NQO1: variants seen among roughly 807,000 people sequenced by gnomAD.
NQO1 encodes NAD(P)H quinone dehydrogenase 1, also known as NAD(P)H dehydrogenase [quinone] 1.
Under a neutral mutation model 32.1 loss-of-function variants are expected in NQO1, and 30 were observed. The observed-to-expected ratio is 0.94, with a 90% CI of 0.70 to 1.27. The LOEUF (loss-of-function observed/expected upper bound fraction) is 1.27. Ranked by LOEUF, NQO1 falls within the 50% of genes most tolerant of loss-of-function variation. The pLI is 0.00. For synonymous variants in NQO1, 109 were observed against 119.7 expected (o/e 0.91, Z 0.59); for missense variants, 276 against 331.3 (o/e 0.83, Z 1.30).
intron 3 of NQO1, among the ~76,000 whole-genome samples, chr16:69,717,427 AT>A (rs1349735363): frequency 1.3e-5 from 2 of 152,168 alleles, no homozygotes; most frequent in African/African-American, 2.4e-5. Context: ...TGGGATTCTT[AT>A]GGAGAAAGGA....
Position 69,710,301 on chromosome 16 carries a change from C to G in NQO1, c.*675G>C, listed in dbSNP as rs2038021194. On this transcript the variant is annotated 3_prime_UTR_variant, in exon 6 of 6. Transcript: ENST00000320623. ...TGAGCCGAGATCACACCACTGCACT[C>G]CAGCCTGGGTAACAGAGCAAGACTG... is the stretch of plus-strand genomic sequence containing the variant. 6.6e-6 allele frequency: 1 copy of G among 151,900 alleles called. No individual in the cohort carries two copies. Among genetic ancestry groups the G allele is most frequent in the Non-Finnish European group, 1.5e-5 (1 of 68,068 alleles). 9.4% of individuals were successfully genotyped at this position (151,900 alleles called of 1,614,324 possible).
intron 1 of NQO1, among the ~76,000 whole-genome samples, chr16:69,722,514 A>T (rs1027627970): frequency 1.3e-5 from 2 of 152,228 alleles, no homozygotes; most frequent in Non-Finnish European, 2.9e-5. Flanking sequence ...TAAAATAACT[A>T]GAAAGGCACA....
chr16:69,715,180 GCCCCT>G, intron 3 of NQO1, 103 bp from the exon 4 acceptor site: 1 of 801,592 alleles, frequency 1.2e-6, no homozygotes, highest in Non-Finnish European at 2.2e-6. Context: ...TGTGTGGGAA[GCCCCT>G]CTTCACACCT....
chr16:69,709,750 C>T lies in NQO1; in HGVS notation c.*1226G>A. On this transcript the variant is annotated 3_prime_UTR_variant, in exon 6 of 6. Coordinates refer to ENST00000320623, the MANE Select transcript of NQO1 (RefSeq NM_000903.3). ...TAATACCAACAGTGGAATGAGATGA[C>T]TTCCAGAAGTAGAAATTGACTATTA... The T allele has an allele frequency of 5.0e-6, 2 of 398,550 alleles. No individual in the cohort carries two copies. The highest frequency in any genetic ancestry group is 8.8e-6 in the Non-Finnish European group (2 of 226,056). 24.7% of individuals were successfully genotyped at this position (398,550 alleles called of 1,614,324 possible).
intron 1 of NQO1, among the ~76,000 whole-genome samples, chr16:69,723,402 AAC>A (rs2038219368): frequency 6.6e-6 from 1 of 152,216 alleles, no homozygotes; most frequent in Admixed American, 6.6e-5. Context: ...CATGTAAGGC[AAC>A]ACACAAGCAG....
rs1037442288 is a variant in NQO1, at chr16:69,709,538, G to A, written c.*1438C>T. 2.6e-6 allele frequency: 1 copy of A among 382,908 alleles called. No individual in the cohort carries two copies. Among genetic ancestry groups the A allele is most frequent in the African/African-American group, 2.1e-5 (1 of 48,356 alleles). 23.7% of individuals were successfully genotyped at this position (382,908 alleles called of 1,614,324 possible). A position where few individuals can be genotyped will look rare whatever the true frequency, so the allele number is the denominator to read the frequency against. The stretch of plus-strand genomic sequence containing the variant: ...CGTCAGCTATTGTGGATACTGTCGA[G>A]AGCAAAAACCACCAGTGCCAGTCAG... On this transcript the variant is annotated 3_prime_UTR_variant, in exon 6 of 6. Transcript: ENST00000320623.
At chr16:69,721,942 G>C (rs1329464902) in intron 1 of NQO1, among the ~76,000 whole-genome samples, 1 of 151,934 alleles carries the variant, frequency 6.6e-6, no homozygotes, top group East Asian at 1.9e-4. Context: ...GGTGGAGGTT[G>C]CAGTGAGCCG....
Position 69,710,627 on chromosome 16 carries a change from A to G in NQO1, c.*349T>C, listed in dbSNP as rs1484382530. ...TAAACTACAGAGAGGTGATTAATAG[A>G]ACATTGGAGAGTTGAATGATACCTA... On this transcript the variant is annotated 3_prime_UTR_variant, in exon 6 of 6. Coordinates refer to ENST00000320623, the MANE Select transcript of NQO1 (RefSeq NM_000903.3). 8.7e-6 allele frequency: 2 copies of G among 230,680 alleles called. No homozygotes were observed. The highest frequency in any genetic ancestry group is 1.7e-5 in the Non-Finnish European group (2 of 118,166). 14.3% of individuals were successfully genotyped at this position (230,680 alleles called of 1,614,324 possible).
intron 1 of NQO1, among the ~76,000 whole-genome samples, chr16:69,723,021 A>T (rs1341019290): frequency 1.3e-5 from 2 of 151,990 alleles, no homozygotes; most frequent in Non-Finnish European, 2.9e-5. Flanking sequence ...TCCGCCTCCC[A>T]GGTTCACGCC....
intron 1 of NQO1, among the ~76,000 whole-genome samples, chr16:69,722,256 C>G (rs554074457): frequency 6.6e-6 from 1 of 152,060 alleles, no homozygotes; most frequent in African/African-American, 2.4e-5. Flanking sequence ...TTCTGCCTCC[C>G]GGGTTCAAGC....
At chr16:69,716,534 T>G (rs1238765637) in intron 3 of NQO1, among the ~76,000 whole-genome samples, 1 of 151,716 alleles carries the variant, frequency 6.6e-6, no homozygotes, top group East Asian at 1.9e-4. Context: ...AAAATAAAAA[T>G]TATAATAAAT....
At chr16:69,726,205 C>T (rs1253214485) in intron 1 of NQO1, among the ~76,000 whole-genome samples, 2 of 152,118 alleles carry the variant, frequency 1.3e-5, no homozygotes, top group Non-Finnish European at 2.9e-5. Context: ...TCCTAAATGC[C>T]CACTAGAGTT....
intron 1 of NQO1, among the ~76,000 whole-genome samples, chr16:69,721,293 G>C (rs1236374878): frequency 6.6e-6 from 1 of 152,212 alleles, no homozygotes; most frequent in East Asian, 1.9e-4. Context: ...TGGGGCCTGT[G>C]ATAGGTGATT....
rs2038026741 is a variant in NQO1, at chr16:69,710,730, G to A, written c.*246C>T. On this transcript the variant is annotated 3_prime_UTR_variant, in exon 6 of 6. Transcript: ENST00000320623. The stretch of plus-strand genomic sequence containing the variant: ...GATGCCTTTAAAGAACATTTTTCTA[G>A]CATCTTTCTACATCTTTCCCTAAGT... 3 of 422,156 alleles carry A rather than the reference G, an allele frequency of 7.1e-6. No individual in the cohort carries two copies. The highest frequency in any genetic ancestry group is 3.9e-5 in the East Asian group (1 of 25,554). The allele number at this position is 422,156 out of a possible 1,614,324, so 26.2% of individuals were successfully genotyped here.
intron 1 of NQO1, among the ~76,000 whole-genome samples, chr16:69,723,580 C>T (rs1429618733): frequency 6.6e-6 from 1 of 151,478 alleles, no homozygotes; most frequent in Non-Finnish European, 1.5e-5. Flanking sequence ...GGCAGATCAC[C>T]TCATGTCAGG....
intron 5 of NQO1, among the ~76,000 whole-genome samples, chr16:69,711,731 G>A (rs1391705012): frequency 6.7e-6 from 1 of 148,950 alleles, no homozygotes; most frequent in Non-Finnish European, 1.5e-5. Flanking sequence ...TCGGCTCATT[G>A]CGGCTTCCAC....
At chr16:69,723,451 G>T (rs2038219805) in intron 1 of NQO1, among the ~76,000 whole-genome samples, 1 of 152,020 alleles carries the variant, frequency 6.6e-6, no homozygotes, top group South Asian at 2.1e-4. Flanking sequence ...CCATCAAAGT[G>T]CAGTACCTGG....
intron 4 of NQO1, among the ~76,000 whole-genome samples, chr16:69,714,004 T>C (rs2038078276): frequency 6.6e-6 from 1 of 151,470 alleles, no homozygotes; most frequent in Admixed American, 6.6e-5. Context: ...GCCTCCCGAG[T>C]ACCTGGGACT....
chr16:69,712,884 T>A, intron 5 of NQO1, 144 bp downstream of exon 5: 1 of 670,542 alleles, frequency 1.5e-6, no homozygotes, highest in African/African-American at 1.8e-5. Context: ...CGGGTGCCTG[T>A]CAGTAGGCTG....
Sources: gnomAD v4.1 joint callset for allele counts (sites outside exome capture counted in the v4.1 genomes callset) on GRCh38, gnomAD v4.1.1 for gene constraint, MANE v1.5 for transcripts, NCBI Gene and HGNC (gene_info 2026-07-23, HGNC 2026-07-21) for gene names.